Variants in EIF2AK1 observed in about 807,000 individuals in gnomAD.
The protein encoded by EIF2AK1 is eukaryotic translation initiation factor 2 alpha kinase 1.
A neutral mutation model predicts 77.9 loss-of-function variants in EIF2AK1; 54 were observed. That is an observed-to-expected ratio of 0.69 (90% CI 0.56 to 0.87). The LOEUF (loss-of-function observed/expected upper bound fraction) is 0.87, where lower values mean the gene tolerates loss of function less well. EIF2AK1 is among the 40% of genes least tolerant of loss of function. The probability of loss-of-function intolerance (pLI) is 0.00; values close to 1 mark genes in which losing one functional copy is unlikely to be tolerated. For synonymous variants in EIF2AK1, 314 were observed against 290.5 expected (o/e 1.08, Z -0.82); for missense variants, 810 against 768.6 (o/e 1.05, Z -0.64).
rs1787780616 is a variant in EIF2AK1 at position 6,027,451 on chromosome 7, C to G, written c.1531-490G>C. On this transcript the variant is annotated intron_variant, in intron 13 of 14. Transcript: ENST00000199389. This position sits in a 1 kb window ranked among gnomAD's most constrained non-coding sequence, Gnocchi z 4.5. ...ATTTTTTAGGAAGGTCTTCACTAAA[C>G]AAGATTTTAGGGGCAGCCATCATTT... is the stretch of plus-strand genomic sequence containing the variant. Among the ~76,000 whole-genome samples, 1 of 152,110 alleles carries G rather than the reference C, an allele frequency of 6.6e-6. No homozygotes were observed. Among genetic ancestry groups the G allele is most frequent in the East Asian group, 1.9e-4 (1 of 5,192 alleles).
At position 6,026,894 on chromosome 7, in the gene EIF2AK1, C is replaced by T. The variant is rs1787763036; in HGVS notation, c.1598G>A (p.Arg533Gln). Residue 533 changes from arginine to glutamine, a missense_variant, in exon 14 of 15, where the codon CGA (arginine) becomes CAA (glutamine). Physicochemically the swap from Arg to Gln is conservative, Grantham distance 43 (BLOSUM62 1). Transcript: ENST00000199389. ...TCTTAAACCTGTTAGAACTTCTGCT[C>T]GCTCCATTTCTGTTCCAAACGGCTG... The part of the protein sequence containing the change: ...LFQPFGTEME[R>Q]AEVLTGLRTG... The T allele has an allele frequency of 1.9e-6, 3 of 1,613,978 alleles. No homozygotes were observed. The highest frequency in any genetic ancestry group is 1.3e-5 in the African/African-American group (1 of 74,870).
Position 6,046,928 on chromosome 7 carries a change from A to G in EIF2AK1, c.549+64T>C, listed in dbSNP as rs930895836. Reference sequence around the variant, plus strand: ...AAAATAAATAAATAAAAGAATAATGAAAACAATATCTGAAAACACAATTAT... The same window carrying G: ...AAAATAAATAAATAAAAGAATAATGGAAACAATATCTGAAAACACAATTAT... On this transcript the variant is annotated intron_variant, in intron 5 of 14. Transcript: ENST00000199389. The G allele has an allele frequency of 2.2e-6, 3 of 1,379,972 alleles. No homozygotes were observed. The African/African-American group carries it at 4.4e-5, about 20-fold the overall frequency. 85.5% of individuals were successfully genotyped at this position (1,379,972 alleles called of 1,614,324 possible). A position where few individuals can be genotyped will look rare whatever the true frequency, so the allele number is the denominator to read the frequency against.
intron 3 of EIF2AK1, among the ~76,000 whole-genome samples, chr7:6,049,285 C>T (rs999399033): frequency 6.6e-6 from 1 of 152,184 alleles, no homozygotes; most frequent in African/African-American, 2.4e-5. Context: ...TGGCTCACGC[C>T]TGTAATCCCA....
intron 2 of EIF2AK1, among the ~76,000 whole-genome samples, chr7:6,053,496 C>A (rs672716): frequency 2.6e-5 from 4 of 151,304 alleles, no homozygotes; most frequent in Non-Finnish European, 5.9e-5. Context: ...CAAATTACAG[C>A]TGGGATTACA....
At chr7:6,053,471 C>G (rs984933737) in intron 2 of EIF2AK1, among the ~76,000 whole-genome samples, 1 of 152,050 alleles carries the variant, frequency 6.6e-6, no homozygotes, top group Admixed American at 6.6e-5. Context: ...AAATGATTTT[C>G]CAGCCTCAGC....
Position 6,024,031 on chromosome 7 carries a change from G to A in EIF2AK1, c.*642C>T. On this transcript the variant is annotated 3_prime_UTR_variant, in exon 15 of 15. Transcript: ENST00000199389. ...CGGGGAACAGTGCAGGGCAAAGGCA[G>A]GAAAGAGATCTGAGCTGCCTGGAGA... 1 of 1,319,312 alleles carries A rather than the reference G, an allele frequency of 7.6e-7. No homozygotes were observed. Among genetic ancestry groups the A allele is most frequent in the Non-Finnish European group, 9.9e-7 (1 of 1,009,696 alleles). 81.7% of individuals were successfully genotyped at this position (1,319,312 alleles called of 1,614,324 possible).
intron 9 of EIF2AK1, 53 bp from the exon 10 acceptor site, chr7:6,038,724 T>C: frequency 6.9e-7 from 1 of 1,455,780 alleles, no homozygotes. Flanking sequence ...ACTCGCATTA[T>C]TCATTTAGCC....
rs10487932 is a variant in EIF2AK1 at position 6,027,388 on chromosome 7, A to C, written c.1531-427T>G. On this transcript the variant is annotated intron_variant, in intron 13 of 14. Coordinates refer to ENST00000199389, the MANE Select transcript of EIF2AK1 (RefSeq NM_014413.4). The surrounding 1 kb of genome is among the most constrained non-coding windows in gnomAD (Gnocchi z 4.5). ...CCAAGTGTCCTTGGTGACATTTAACAAACTGCATAAAATCTGTGATACTAC... is the reference window on the plus strand; with the variant it reads ...CCAAGTGTCCTTGGTGACATTTAACCAACTGCATAAAATCTGTGATACTAC... 0.29 allele frequency among the ~76,000 whole-genome samples: 43,945 copies of C among 152,002 alleles called. 7,364 individuals carry two copies. The highest frequency in any genetic ancestry group is 0.47 in the East Asian group (2,405 of 5,158).
In EIF2AK1 at chr7:6,041,102, C is replaced by T. The variant is rs1222460661; in HGVS notation, c.909G>A (p.Lys303=). ...GESDTENQNN[K]SVKYTTNLVI... ...CTAAATTGGTGGTGTACTTCACCGA[C>T]TTGTTATTCTGATTTTCAGTGTCAG... The change falls in exon 9 of 15, where the codon AAG becomes AAA. Residue 303 remains lysine (K), a synonymous_variant. Coordinates refer to ENST00000199389, the MANE Select transcript of EIF2AK1 (RefSeq NM_014413.4). 6.2e-7 allele frequency: 1 copy of T among 1,613,790 alleles called. No homozygotes were observed. The highest frequency in any genetic ancestry group is 8.5e-7 in the Non-Finnish European group (1 of 1,180,016).
chr7:6,028,254 GTT>G (rs10710249), intron 13 of EIF2AK1, among the ~76,000 whole-genome samples: 69 of 138,040 alleles, frequency 5.0e-4, no homozygotes, highest in East Asian at 6.3e-4. Flanking sequence ...TGTACTGTTT[GTT>G]TTTTTTTTTT....
At chr7:6,025,252 C>T (rs1787707685) in intron 14 of EIF2AK1, among the ~76,000 whole-genome samples, 1 of 152,200 alleles carries the variant, frequency 6.6e-6, no homozygotes. Flanking sequence ...AAATCCCCTT[C>T]ATATATGAAG....
At chr7:6,043,826 C>A (rs1310921438) in intron 7 of EIF2AK1, among the ~76,000 whole-genome samples, 1 of 152,022 alleles carries the variant, frequency 6.6e-6, no homozygotes, top group African/African-American at 2.4e-5. Flanking sequence ...GGGCCAGGCA[C>A]AGAGGCTCAT....
Position 6,028,950 on chromosome 7 carries a change from T to C in EIF2AK1, c.1415A>G (p.Lys472Arg). ...FGLACTDILQKNTDWTNRNGK... is the reference protein window; with the variant it reads ...FGLACTDILQRNTDWTNRNGK... ...GTTTCTGTTGGTCCAGTCTGTGTTCTTCTGTAGGATGTCTGTGCAGGCCAG... is the reference window on the plus strand; with the variant it reads ...GTTTCTGTTGGTCCAGTCTGTGTTCCTCTGTAGGATGTCTGTGCAGGCCAG... Residue 472 changes from lysine (K) to arginine (R), a missense_variant, in exon 12 of 15, where the codon AAG becomes AGG. This residue lies in a region of EIF2AK1 where 549 missense variants were observed against 533.7 expected (regional missense o/e 1.03). Coordinates refer to ENST00000199389, the MANE Select transcript of EIF2AK1 (RefSeq NM_014413.4). 1 of 1,610,198 alleles carries C rather than the reference T, an allele frequency of 6.2e-7. No homozygotes were observed. The highest frequency in any genetic ancestry group is 1.1e-5 in the South Asian group (1 of 90,012).
chr7:6,037,706 T>A (rs753482405), intron 10 of EIF2AK1, among the ~76,000 whole-genome samples, 182 bp from the exon 11 acceptor site: 2 of 152,062 alleles, frequency 1.3e-5, no homozygotes, highest in African/African-American at 4.8e-5. Flanking sequence ...CTTCCTCAGC[T>A]GGCAAAGAAA....
chr7:6,029,216 C>G (rs1281591925), intron 11 of EIF2AK1, among the ~76,000 whole-genome samples, 184 bp from the exon 12 acceptor site: 2 of 152,176 alleles, frequency 1.3e-5, no homozygotes, highest in Non-Finnish European at 2.9e-5. Flanking sequence ...ATCTCAACAT[C>G]TGGCCGGGTG....
intron 9 of EIF2AK1, among the ~76,000 whole-genome samples, chr7:6,039,102 T>C (rs1046874838): frequency 2.1e-4 from 32 of 152,194 alleles, no homozygotes; most frequent in African/African-American, 7.5e-4. Flanking sequence ...ACAAAGTATA[T>C]ATACTTTGTC....
rs979098311 is a variant in EIF2AK1 at position 6,032,865 on chromosome 7, T to C, written c.1333-3833A>G. ...CGACAGAGTCTATCATCCCCATCCA[T>C]CTGGCTGCCAAGTACCACAAGGCCC... is the stretch of plus-strand genomic sequence containing the variant. On this transcript the variant is annotated intron_variant, in intron 11 of 14. Coordinates refer to ENST00000199389, the MANE Select transcript of EIF2AK1 (RefSeq NM_014413.4). This position sits in a 1 kb window ranked among gnomAD's most constrained non-coding sequence, Gnocchi z 4.3. 5.8e-6 allele frequency: 9 copies of C among 1,550,926 alleles called. No homozygotes were observed. Among genetic ancestry groups the C allele is most frequent in the Non-Finnish European group, 7.8e-6 (9 of 1,147,016 alleles).
chr7:6,035,502 A>C lies in EIF2AK1; in HGVS notation c.1332+1922T>G, dbSNP rs1343750584. ...GCTACTGCACTGGCCAGTCACTTCC[A>C]CCACGTGGGCAAAACCAGGCAACAG... On this transcript the variant is annotated intron_variant, in intron 11 of 14. Transcript: ENST00000199389. The surrounding 1 kb of genome is among the most constrained non-coding windows in gnomAD (Gnocchi z 5.5). 2 of 1,550,830 alleles carry C rather than the reference A, an allele frequency of 1.3e-6. No homozygotes were observed. The highest frequency in any genetic ancestry group is 1.7e-6 in the Non-Finnish European group (2 of 1,147,082).
chr7:6,049,850 A>G, intron 3 of EIF2AK1, 62 bp downstream of exon 3: 2 of 1,456,780 alleles, frequency 1.4e-6, no homozygotes, highest in East Asian at 2.4e-5. Flanking sequence ...GCTTTAAAAT[A>G]TAATTATCTT....
Sources: allele counts gnomAD v4.1 joint callset (sites outside exome capture counted in the v4.1 genomes callset), GRCh38; gene constraint gnomAD v4.1.1; regional missense constraint gnomAD v4.1.1; non-coding constraint Gnocchi (gnomAD v3.1); transcripts MANE v1.5; gene names NCBI Gene and HGNC (gene_info 2026-07-23, HGNC 2026-07-21).